LPCAT3: variants seen among roughly 807,000 people sequenced by gnomAD.
LPCAT3 encodes the protein lysophosphatidylcholine acyltransferase 3.
A neutral mutation model predicts 63.4 loss-of-function variants in LPCAT3; 21 were observed. The observed-to-expected ratio is 0.33, with a 90% confidence interval of 0.23 to 0.48. The LOEUF (loss-of-function observed/expected upper bound fraction) is 0.48. Among genes scored for constraint, LPCAT3 ranks in the 20% least tolerant of loss-of-function variants. The probability of loss-of-function intolerance (pLI) is 0.99; values close to 1 mark genes in which losing one functional copy is unlikely to be tolerated. For synonymous variants in LPCAT3, 242 were observed against 227.5 expected (o/e 1.06, Z -0.58); for missense variants, 451 against 590.6 (o/e 0.76, Z 2.45).
At position 6,977,967 on chromosome 12, in the gene LPCAT3, G is replaced by A. The variant is rs976582684; in HGVS notation, c.1041-222C>T. 1.9e-4 allele frequency: 111 copies of A among 584,702 alleles called. No homozygotes were observed. Among genetic ancestry groups the A allele is most frequent in the South Asian group, 6.2e-4 (31 of 50,304 alleles). 36.2% of individuals were successfully genotyped at this position (584,702 alleles called of 1,614,324 possible). On this transcript the variant is annotated intron_variant, in intron 9 of 12. Transcript: ENST00000261407. This position sits in a 1 kb window ranked among gnomAD's most constrained non-coding sequence, Gnocchi z 4.5. ...GTGTGCGCACGAGCCACTTGGTTCA[G>A]CAGCAGTGACTGAGGCTGATGCTGA... is the stretch of plus-strand genomic sequence containing the variant.
chr12:7,012,376 AGT>A (rs1555157305), intron 1 of LPCAT3, among the ~76,000 whole-genome samples: 1 of 112,506 alleles, frequency 8.9e-6, no homozygotes. Context: ...GGCAGAACTC[AGT>A]GTGACTTACT....
intron 2 of LPCAT3, 189 bp from the exon 3 acceptor site, chr12:6,982,971 ATTTCT>A (rs782337058): frequency 8.4e-5 from 56 of 666,754 alleles, no homozygotes; most frequent in Non-Finnish European, 1.5e-4. Flanking sequence ...GTGTTATTTT[ATTTCT>A]TTTCTTTTTT....
At chr12:6,998,042 G>T (rs1433996276) in intron 1 of LPCAT3, among the ~76,000 whole-genome samples, 1 of 151,598 alleles carries the variant, frequency 6.6e-6, no homozygotes, top group South Asian at 2.1e-4. Context: ...TTGAGGCAGG[G>T]TCTTGCTCTG....
At chr12:7,006,950 T>C (rs1352117216) in intron 1 of LPCAT3, among the ~76,000 whole-genome samples, 1 of 152,192 alleles carries the variant, frequency 6.6e-6, no homozygotes, top group Non-Finnish European at 1.5e-5. Flanking sequence ...TTAAAGCATA[T>C]ACAAATATAT....
intron 1 of LPCAT3, among the ~76,000 whole-genome samples, chr12:6,990,771 G>T (rs1946581727): frequency 6.6e-6 from 1 of 150,848 alleles, no homozygotes. Flanking sequence ...ACAAAAACCA[G>T]CCAGACATGG....
chr12:7,016,877 C>T (rs1555157648), intron 1 of LPCAT3, among the ~76,000 whole-genome samples: 1 of 152,024 alleles, frequency 6.6e-6, no homozygotes, highest in Non-Finnish European at 1.5e-5. Context: ...TAAAATCTTA[C>T]GATTCCACAG....
At chr12:7,006,936 C>A (rs925656524) in intron 1 of LPCAT3, among the ~76,000 whole-genome samples, 1 of 152,234 alleles carries the variant, frequency 6.6e-6, no homozygotes, top group Non-Finnish European at 1.5e-5. Flanking sequence ...GATGCCACTT[C>A]TCCTTAAAGC....
At chr12:6,990,209 TAA>T (rs1389898946) in intron 1 of LPCAT3, among the ~76,000 whole-genome samples, 20 of 140,688 alleles carry the variant, frequency 1.4e-4, no homozygotes, top group African/African-American at 4.9e-4. Context: ...AATAAATAAA[TAA>T]AAATAAAAAA....
At chr12:6,990,566 T>C (rs1321968521) in intron 1 of LPCAT3, among the ~76,000 whole-genome samples, 1 of 117,100 alleles carries the variant, frequency 8.5e-6, no homozygotes, top group Non-Finnish European at 1.9e-5. Flanking sequence ...AATAAATAAA[T>C]TGAGCACCCC....
At chr12:6,990,526 A>AAAAT (rs59048377) in intron 1 of LPCAT3, among the ~76,000 whole-genome samples, 29,582 of 144,310 alleles carry the variant, frequency 0.2, 3,347 homozygotes, top group East Asian at 0.48. Context: ...AAATTAAAAT[A>AAAAT]AAATAAATAA....
In LPCAT3 at chr12:6,983,007, C is replaced by A. The variant is rs1025813186; in HGVS notation, c.260-225G>T. On this transcript the variant is annotated intron_variant, in intron 2 of 12. Coordinates refer to ENST00000261407, the MANE Select transcript of LPCAT3 (RefSeq NM_005768.6). ...TTTTTTGTTTGTTTTTTTAGAGATG[C>A]GACTTGCTCTGTTGTCCAGACTTGA... 3 of 602,804 alleles carry A rather than the reference C, an allele frequency of 5.0e-6. No homozygotes were observed. The African/African-American group carries it at 5.5e-5, about 11-fold the overall frequency. The allele number at this position is 602,804 out of a possible 1,614,324, so 37.3% of individuals were successfully genotyped here. A position where few individuals can be genotyped will look rare whatever the true frequency, so the allele number is the denominator to read the frequency against.
intron 1 of LPCAT3, among the ~76,000 whole-genome samples, chr12:6,994,671 TCTCGAA>T (rs1946621788): frequency 6.6e-6 from 1 of 151,650 alleles, no homozygotes; most frequent in Non-Finnish European, 1.5e-5. Flanking sequence ...CTCAGGCTGG[TCTCGAA>T]CTCCTGAGCT....
At chr12:7,000,830 C>T (rs868990275) in intron 1 of LPCAT3, among the ~76,000 whole-genome samples, 1 of 151,664 alleles carries the variant, frequency 6.6e-6, no homozygotes, top group Admixed American at 6.6e-5. Flanking sequence ...CCTCAGCCTC[C>T]TGGGTAGCTG....
intron 1 of LPCAT3, among the ~76,000 whole-genome samples, chr12:6,986,510 T>C (rs1946527332): frequency 6.6e-6 from 1 of 151,988 alleles, no homozygotes; most frequent in African/African-American, 2.4e-5. Context: ...TGTGGCCGGG[T>C]GTGGTGGCTC....
intron 3 of LPCAT3, 109 bp from the exon 4 acceptor site, chr12:6,982,013 G>A: frequency 1.5e-6 from 1 of 670,916 alleles, no homozygotes; most frequent in Admixed American, 2.5e-5. Flanking sequence ...ATCATTAAAA[G>A]CCTTAATAAA....
Position 6,978,519 on chromosome 12 carries a change from T to C in LPCAT3, c.874-12A>G, listed in dbSNP as rs73264617. 13,183 of 1,611,936 alleles carry C rather than the reference T, an allele frequency of 8.2e-3. 761 individuals are homozygous for C. The African/African-American group carries it at 0.13, about 16-fold the overall frequency. On this transcript the variant is annotated splice_polypyrimidine_tract_variant and intron_variant, in intron 8 of 12. Transcript: ENST00000261407. ...ATGCATACTCCTTCCTGAGAGGGAA[T>C]AGCTCAGTTAGGGCTCTTGCCACTC... is the stretch of plus-strand genomic sequence containing the variant.
At chr12:7,014,375 T>G (rs1265648223) in intron 1 of LPCAT3, among the ~76,000 whole-genome samples, 1 of 152,186 alleles carries the variant, frequency 6.6e-6, no homozygotes, top group East Asian at 1.9e-4. Context: ...AGTGATGAGA[T>G]CCAAGCTGTT....
Position 6,978,487 on chromosome 12 carries a change from C to T in LPCAT3, c.894G>A (p.Thr298=), listed in dbSNP as rs146035844. Residue 298 remains threonine, a synonymous_variant, in exon 9 of 13, where the codon ACG becomes ACA. Transcript: ENST00000261407. ...WLVTEGVCIL[T]GLGFNGFEEK... ...CTTCAAAGCCATTGAAGCCCAGGCC[C>T]GTCAAAATGCATACTCCTTCCTGAG... is the stretch of plus-strand genomic sequence containing the variant. The T allele has an allele frequency of 3.2e-5, 51 of 1,613,294 alleles. No individual in the cohort carries two copies. The highest frequency in any genetic ancestry group is 3.9e-5 in the Non-Finnish European group (46 of 1,179,488).
intron 1 of LPCAT3, among the ~76,000 whole-genome samples, chr12:6,994,574 C>T (rs1946620635): frequency 6.6e-6 from 1 of 152,168 alleles, no homozygotes; most frequent in South Asian, 2.1e-4. Flanking sequence ...TCAAGTGATC[C>T]TCCCACCTGA....
Sources: allele counts gnomAD v4.1 joint callset (sites outside exome capture counted in the v4.1 genomes callset), GRCh38; gene constraint gnomAD v4.1.1; non-coding constraint Gnocchi (gnomAD v3.1); transcripts MANE v1.5; gene names NCBI Gene and HGNC (gene_info 2026-07-23, HGNC 2026-07-21).